The following CUX1 variants were observed in gnomAD, a reference collection of about 807,000 sequenced individuals.
CUX1 encodes the protein protein CASP.
In CUX1, 31 loss-of-function variants were observed where a neutral mutation model predicts 158.8. That is an observed-to-expected ratio of 0.20 (90% CI 0.15 to 0.26). CUX1 has a LOEUF of 0.26. Among genes scored for constraint, CUX1 ranks in the 10% least tolerant of loss-of-function variants. The probability of loss-of-function intolerance (pLI) is 1.00; values close to 1 mark genes in which losing one functional copy is unlikely to be tolerated. For missense variants in CUX1, 1,589 were observed against 2,014.6 expected (o/e 0.79, Z 4.04); for synonymous variants, 879 against 862.1 (o/e 1.02, Z -0.34).
intron 2 of CUX1, among the ~76,000 whole-genome samples, chr7:101,952,261 C>A (rs997581764): frequency 2.0e-5 from 3 of 152,186 alleles, no homozygotes; most frequent in Admixed American, 6.5e-5. Flanking sequence ...TAGCATATGC[C>A]TGTATTCCCA....
In CUX1 at chr7:102,250,767, G is replaced by A; in HGVS notation, c.*1725G>A. On this transcript the variant is annotated 3_prime_UTR_variant, in exon 24 of 24. Transcript: ENST00000292535. ...CTATGTGTATATGCGTGAGAATAGAGGCGGGTGAGAGTGTGCGTGCGTGTG... is the reference window on the plus strand; with the variant it reads ...CTATGTGTATATGCGTGAGAATAGAAGCGGGTGAGAGTGTGCGTGCGTGTG... The A allele has an allele frequency of 1.0e-6, 1 of 985,430 alleles. No homozygotes were observed. Among genetic ancestry groups the A allele is most frequent in the Admixed American group, 6.1e-5 (1 of 16,270 alleles). The allele number at this position is 985,430 out of a possible 1,614,324, so 61.0% of individuals were successfully genotyped here.
intron 8 of CUX1, among the ~76,000 whole-genome samples, chr7:102,149,121 G>A (rs34836271): frequency 0.067 from 10,172 of 152,094 alleles, 466 homozygotes; most frequent in Non-Finnish European, 0.1. Flanking sequence ...TCGCAACCCC[G>A]AGAGAGCCAC....
At chr7:102,191,230 C>T (rs1421434084) in intron 12 of CUX1, among the ~76,000 whole-genome samples, 1 of 152,112 alleles carries the variant, frequency 6.6e-6, no homozygotes, top group Non-Finnish European at 1.5e-5. Flanking sequence ...TACTTACTTG[C>T]TTGCTTACTT....
At chr7:102,134,659 G>T (rs1380613600) in intron 8 of CUX1, among the ~76,000 whole-genome samples, 1 of 152,136 alleles carries the variant, frequency 6.6e-6, no homozygotes, top group Non-Finnish European at 1.5e-5. Flanking sequence ...ATGCAGTGGC[G>T]CAATCACGAC....
Position 102,239,477 on chromosome 7 carries a change from A to G in CUX1, c.3780A>G (p.Lys1260=), listed in dbSNP as rs1554534096. The change falls in exon 23 of 24, where the codon AAA becomes AAG. Residue 1260 remains lysine, a synonymous_variant. Coordinates refer to ENST00000292535, the MANE Select transcript of CUX1 (RefSeq NM_181552.4). The part of the protein sequence containing the change: ...VLAPEEKEAL[K]RAYQQKPYPS... ...CTCCGGAGGAGAAGGAGGCGCTGAA[A>G]CGAGCGTATCAGCAAAAGCCATACC... The G allele has an allele frequency of 6.2e-7, 1 of 1,614,138 alleles. No individual in the cohort carries two copies. Among genetic ancestry groups the G allele is most frequent in the Admixed American group, 1.7e-5 (1 of 60,028 alleles).
At chr7:102,081,000 C>G (rs574715468) in intron 4 of CUX1, among the ~76,000 whole-genome samples, 1 of 152,318 alleles carries the variant, frequency 6.6e-6, no homozygotes, top group Admixed American at 6.5e-5. Context: ...TAGGAAAATA[C>G]ATGACCGATA....
At chr7:101,896,217 G>C (rs1391077615) in intron 1 of CUX1, among the ~76,000 whole-genome samples, 1 of 152,050 alleles carries the variant, frequency 6.6e-6, no homozygotes, top group Admixed American at 6.6e-5. Context: ...AAAATGAAAA[G>C]AGCAGACCAC....
intron 3 of CUX1, among the ~76,000 whole-genome samples, chr7:102,032,367 G>A (rs1453405918): frequency 6.6e-6 from 1 of 151,896 alleles, no homozygotes; most frequent in Non-Finnish European, 1.5e-5. Flanking sequence ...ATCGAGACCA[G>A]CCTGGTCAAT....
intron 8 of CUX1, among the ~76,000 whole-genome samples, chr7:102,126,980 G>C (rs140090892): frequency 6.6e-6 from 1 of 152,108 alleles, no homozygotes; most frequent in Non-Finnish European, 1.5e-5. Flanking sequence ...TAGATCCCTC[G>C]CATGCGCAGT....
At chr7:101,897,297 C>T (rs1299231185) in intron 1 of CUX1, among the ~76,000 whole-genome samples, 2 of 152,222 alleles carry the variant, frequency 1.3e-5, no homozygotes, top group East Asian at 3.9e-4. Flanking sequence ...GTTAATACAG[C>T]AAGTGAAGCC....
chr7:102,208,044 C>G (rs782097557), intron 20 of CUX1, among the ~76,000 whole-genome samples: 18 of 151,904 alleles, frequency 1.2e-4, no homozygotes, highest in Non-Finnish European at 1.8e-4. Context: ...AAAAATTAGC[C>G]AGGTGTGATG....
At chr7:101,876,300 G>C (rs1799124652) in intron 1 of CUX1, among the ~76,000 whole-genome samples, 1 of 150,740 alleles carries the variant, frequency 6.6e-6, no homozygotes, top group African/African-American at 2.5e-5. Flanking sequence ...AGCCGAGATG[G>C]TGCCACTGCG....
intron 1 of CUX1, among the ~76,000 whole-genome samples, chr7:101,904,481 A>C (rs1319360265): frequency 1.3e-5 from 2 of 152,082 alleles, no homozygotes; most frequent in East Asian, 1.9e-4. Flanking sequence ...GTTTCACTTG[A>C]ATTTCCGTGA....
At chr7:102,116,588 G>A (rs1188668016) in intron 8 of CUX1, among the ~76,000 whole-genome samples, 1 of 152,120 alleles carries the variant, frequency 6.6e-6, no homozygotes, top group Non-Finnish European at 1.5e-5. Flanking sequence ...AGGCTGCAGT[G>A]AGCTGTGATC....
intron 9 of CUX1, among the ~76,000 whole-genome samples, chr7:102,166,175 T>C (rs1210745746): frequency 6.6e-6 from 1 of 152,216 alleles, no homozygotes; most frequent in Admixed American, 6.5e-5. Flanking sequence ...ACCAGTCCCC[T>C]TGCCGGGTGG....
chr7:101,841,394 T>C (rs1795185523), intron 1 of CUX1, among the ~76,000 whole-genome samples: 2 of 152,090 alleles, frequency 1.3e-5, no homozygotes, highest in African/African-American at 2.4e-5. Flanking sequence ...TAGTTGTACA[T>C]AGAGGTTTGT....
chr7:102,278,432 A>G (rs1170594964), intron 18 of CUX1, among the ~76,000 whole-genome samples: 1 of 151,970 alleles, frequency 6.6e-6, no homozygotes, highest in Non-Finnish European at 1.5e-5. Context: ...TCTACTAAAA[A>G]TACAAAAAAA....
intron 22 of CUX1, among the ~76,000 whole-genome samples, chr7:102,234,674 CT>C: frequency 6.6e-6 from 1 of 150,984 alleles, no homozygotes; most frequent in East Asian, 1.9e-4. Context: ...AATCTCAGCA[CT>C]TTGGGAGGCT....
At chr7:101,996,049 T>C (rs765974774) in intron 2 of CUX1, among the ~76,000 whole-genome samples, 4 of 151,342 alleles carry the variant, frequency 2.6e-5, no homozygotes, top group South Asian at 2.1e-4. Flanking sequence ...GAGGCGGAGA[T>C]TGCATGAGAT....
Sources: allele counts gnomAD v4.1 joint callset (sites outside exome capture counted in the v4.1 genomes callset), GRCh38; gene constraint gnomAD v4.1.1; transcripts MANE v1.5; gene names NCBI Gene and HGNC (gene_info 2026-07-23, HGNC 2026-07-21).